The following PI4KB variants were observed in gnomAD, a reference collection of about 807,000 sequenced individuals.
PI4KB encodes the protein phosphatidylinositol 4-kinase beta.
PI4KB carries 23 observed loss-of-function variants against 81.4 expected under a neutral mutation model. That is an observed-to-expected ratio of 0.28 (90% CI 0.20 to 0.40). The LOEUF is 0.40. Among genes scored for constraint, PI4KB ranks in the 10% least tolerant of loss-of-function variants. PI4KB has a pLI of 1.00. For synonymous variants in PI4KB, 381 were observed against 406.8 expected (o/e 0.94, Z 0.76); for missense variants, 651 against 1,036.6 (o/e 0.63, Z 5.11).
intron 1 of PI4KB, among the ~76,000 whole-genome samples, chr1:151,326,549 CCT>C (rs1329644634): frequency 6.6e-6 from 1 of 152,098 alleles, no homozygotes; most frequent in Non-Finnish European, 1.5e-5. Flanking sequence ...CAGACAGAAA[CCT>C]CTAGAAAGTT....
At position 151,302,957 on chromosome 1, in the gene PI4KB, A is replaced by G. The variant is rs116638018; in HGVS notation, c.1520+584T>C. 4.8e-3 allele frequency among the ~76,000 whole-genome samples: 707 copies of G among 148,654 alleles called. 8 individuals are homozygous for G. Among genetic ancestry groups the G allele is most frequent in the African/African-American group, 0.016 (655 of 40,458 alleles). ...ACAGTCGCTTTGAGACCCCACCTTG[A>G]GACACACTGCTCAAACTCCTTCCTC... On this transcript the variant is annotated intron_variant, in intron 6 of 11. Transcript: ENST00000368873.
chr1:151,311,832 G>A (rs1025119477), intron 2 of PI4KB, among the ~76,000 whole-genome samples: 1 of 152,216 alleles, frequency 6.6e-6, no homozygotes, highest in African/African-American at 2.4e-5. Flanking sequence ...CAAGCTAGAA[G>A]GCCTACTGGG....
chr1:151,324,301 C>G (rs1371764662), intron 1 of PI4KB, among the ~76,000 whole-genome samples: 4 of 152,212 alleles, frequency 2.6e-5, no homozygotes, highest in Non-Finnish European at 4.4e-5. Flanking sequence ...TCAAAAGAGA[C>G]TCCATATCAT....
At chr1:151,296,789 T>A (rs587745259) in intron 9 of PI4KB, among the ~76,000 whole-genome samples, 2 of 149,870 alleles carry the variant, frequency 1.3e-5, no homozygotes, top group South Asian at 2.1e-4. Context: ...TTTTTATTTT[T>A]TTTTTTGAGA....
At chr1:151,321,287 C>A (rs2102014539) in intron 1 of PI4KB, among the ~76,000 whole-genome samples, 1 of 152,342 alleles carries the variant, frequency 6.6e-6, no homozygotes, top group African/African-American at 2.4e-5. Context: ...GGAACCCAGG[C>A]ACTGCCTGCA....
chr1:151,297,594 A>AT (rs1421525612), intron 9 of PI4KB, among the ~76,000 whole-genome samples: 1 of 150,930 alleles, frequency 6.6e-6, no homozygotes, highest in Non-Finnish European at 1.5e-5. Flanking sequence ...CTGGAGTGCA[A>AT]TGGTGCCATC....
intron 11 of PI4KB, chr1:151,293,408 T>G: frequency 7.8e-7 from 1 of 1,279,844 alleles, no homozygotes; most frequent in African/African-American, 1.6e-5. Flanking sequence ...ACAGATGACC[T>G]GGGCCACCGT....
At chr1:151,302,685 C>T (rs1695394193) in intron 6 of PI4KB, among the ~76,000 whole-genome samples, 1 of 150,130 alleles carries the variant, frequency 6.7e-6, no homozygotes, top group Non-Finnish European at 1.5e-5. Flanking sequence ...CCACGCCATT[C>T]TCCTGCCTCA....
rs1318315687 is a variant in PI4KB at position 151,302,287 on chromosome 1, G to A, written c.1532C>T (p.Ser511Leu). The change falls in exon 7 of 12, where the codon TCG becomes TTG. Residue 511 changes from serine (S) to leucine (L), a missense_variant. By Grantham distance (145) the Ser-to-Leu change is moderately radical. Coordinates refer to ENST00000368873, the MANE Select transcript of PI4KB (RefSeq NM_001369623.2). ...IAAGDIRRRL[S>L]EQLAHTPTAF... is the part of the protein sequence containing the mutation. ...TGTCGGGGTATGAGCCAGCTGTTCC[G>A]AAAGGCGCCGGCTGGCAGGAAGAAA... 3.7e-6 allele frequency: 6 copies of A among 1,613,784 alleles called. No individual in the cohort carries two copies. The highest frequency in any genetic ancestry group is 5.1e-6 in the Non-Finnish European group (6 of 1,179,682).
Position 151,294,548 on chromosome 1 carries a change from A to AG in PI4KB, c.2016-8dup, listed in dbSNP as rs1694626119. The stretch of plus-strand genomic sequence containing the variant: ...AAGGATATTCCCATTGTGTCTGAGG[A>AG]GGGGGAATAGAGGAGAGGAAGAGGC... On this transcript the variant is annotated splice_region_variant and splice_polypyrimidine_tract_variant and intron_variant, in intron 9 of 11. Coordinates refer to ENST00000368873, the MANE Select transcript of PI4KB (RefSeq NM_001369623.2). 1 of 1,613,862 alleles carries AG rather than the reference A, an allele frequency of 6.2e-7. No homozygotes were observed. The highest frequency in any genetic ancestry group is 8.5e-7 in the Non-Finnish European group (1 of 1,179,904).
chr1:151,297,347 ATTTTT>A (rs1234220289), intron 9 of PI4KB, among the ~76,000 whole-genome samples: 1 of 133,376 alleles, frequency 7.5e-6, no homozygotes, highest in African/African-American at 2.8e-5. Flanking sequence ...TGTTGGCTAG[ATTTTT>A]TTTTTTTTTT....
Position 151,309,151 on chromosome 1 carries a change from T to TG in PI4KB, c.954+1059dup, listed in dbSNP as rs1463143473. ...GTTTCTAAGGTCCCTGGAAATATCCTGGGGGTCTAATAGAGAAAGAAAATA... is the reference window on the plus strand; with the variant it reads ...GTTTCTAAGGTCCCTGGAAATATCCTGGGGGGTCTAATAGAGAAAGAAAATA... On this transcript the variant is annotated intron_variant, in intron 3 of 11. Coordinates refer to ENST00000368873, the MANE Select transcript of PI4KB (RefSeq NM_001369623.2). 4.6e-5 allele frequency among the ~76,000 whole-genome samples: 7 copies of TG among 152,208 alleles called. 1 individual carries two copies. The highest frequency in any genetic ancestry group is 1.4e-4 in the African/African-American group (6 of 41,452).
chr1:151,306,525 C>A, intron 4 of PI4KB, 162 bp from the exon 5 acceptor site: 1 of 602,366 alleles, frequency 1.7e-6, no homozygotes, highest in African/African-American at 1.9e-5. Flanking sequence ...AGATACTTGT[C>A]CTATGATCAC....
At chr1:151,302,111 G>A (rs1373993317) in intron 7 of PI4KB, 83 bp downstream of exon 7, 2 of 1,541,690 alleles carry the variant, frequency 1.3e-6, no homozygotes, top group East Asian at 2.3e-5. Context: ...TTTGGAGGCT[G>A]ATGGACAATA....
intron 1 of PI4KB, among the ~76,000 whole-genome samples, chr1:151,319,081 GA>G (rs1205057857): frequency 1.3e-5 from 2 of 151,998 alleles, no homozygotes; most frequent in Non-Finnish European, 1.5e-5. Flanking sequence ...TGCAAATTGG[GA>G]AAAAACACTT....
chr1:151,313,726 A>G (rs1448660393), intron 2 of PI4KB, among the ~76,000 whole-genome samples: 2 of 152,202 alleles, frequency 1.3e-5, no homozygotes, highest in Admixed American at 1.3e-4. Context: ...TTCTGACAAC[A>G]GTTTTGGCTT....
chr1:151,296,903 G>A (rs949104444), intron 9 of PI4KB, among the ~76,000 whole-genome samples: 5 of 151,960 alleles, frequency 3.3e-5, no homozygotes, highest in African/African-American at 1.2e-4. Context: ...AGCCTCCTGA[G>A]TGGCTGGGAT....
chr1:151,303,667 G>C lies in PI4KB; in HGVS notation c.1411-17C>G. ...TTCGGGGAGCTGGAGAAAGGGGAGT[G>C]CTGGTCAGAAGTGCTAAAGTATAGG... On this transcript the variant is annotated splice_polypyrimidine_tract_variant and intron_variant, in intron 5 of 11. Transcript: ENST00000368873. 1 of 1,555,692 alleles carries C rather than the reference G, an allele frequency of 6.4e-7. No individual in the cohort carries two copies.
At chr1:151,313,464 T>C (rs750782233) in intron 2 of PI4KB, among the ~76,000 whole-genome samples, 3 of 152,208 alleles carry the variant, frequency 2.0e-5, no homozygotes, top group Non-Finnish European at 4.4e-5. Context: ...CCCTGAGGCC[T>C]CAGCTTTTCT....
Sources: allele counts gnomAD v4.1 joint callset (sites outside exome capture counted in the v4.1 genomes callset), GRCh38; gene constraint gnomAD v4.1.1; transcripts MANE v1.5; gene names NCBI Gene and HGNC (gene_info 2026-07-23, HGNC 2026-07-21).